DAZAP1: variants seen among roughly 807,000 people sequenced by gnomAD.
DAZAP1 encodes DAZ associated protein 1.
A neutral mutation model predicts 60.1 loss-of-function variants in DAZAP1; 6 were observed. The ratio of observed to expected loss-of-function variants is 0.10; its 90% CI spans 0.05 to 0.20. The LOEUF (loss-of-function observed/expected upper bound fraction) is 0.20. Among genes scored for constraint, DAZAP1 ranks in the 10% least tolerant of loss-of-function variants. DAZAP1 has a pLI of 1.00. For synonymous variants in DAZAP1, 235 were observed against 215.9 expected (o/e 1.09, Z -0.78); for missense variants, 366 against 560.4 (o/e 0.65, Z 3.50).
At chr19:1,424,882 C>CG (rs2083268027) in intron 6 of DAZAP1, among the ~76,000 whole-genome samples, 1 of 152,166 alleles carries the variant, frequency 6.6e-6, no homozygotes, top group Non-Finnish European at 1.5e-5. Context: ...GTGTGCTTTG[C>CG]GGTGTCACGC....
In DAZAP1 at chr19:1,426,886, C is replaced by G. The variant is rs1479435442; in HGVS notation, c.546+926C>G. 6.6e-6 allele frequency: 1 copy of G among 152,208 alleles called. No individual in the cohort carries two copies. The highest frequency in any genetic ancestry group is 1.9e-4 in the East Asian group (1 of 5,200). 9.4% of individuals were successfully genotyped at this position (152,208 alleles called of 1,614,324 possible). On this transcript the variant is annotated intron_variant, in intron 7 of 11. Transcript: ENST00000233078. The surrounding 1 kb of genome is among the most constrained non-coding windows in gnomAD (Gnocchi z 5.4). Reference sequence around the variant, plus strand: ...CCCGTTAACGGAAGAAGACGCTTAGCCCCTCTGACAGGGCCATGGTTGTTT... The same window carrying G: ...CCCGTTAACGGAAGAAGACGCTTAGGCCCTCTGACAGGGCCATGGTTGTTT...
Position 1,414,143 on chromosome 19 carries a change from G to A in DAZAP1, c.30-3357G>A, listed in dbSNP as rs542860335. ...CAGTACACCTCGAGCTCAGCCTCCCGAGTGGCTAGGATTACAGGTGCGCAC... is the reference window on the plus strand; with the variant it reads ...CAGTACACCTCGAGCTCAGCCTCCCAAGTGGCTAGGATTACAGGTGCGCAC... On this transcript the variant is annotated intron_variant, in intron 1 of 11. Coordinates refer to ENST00000233078, the MANE Select transcript of DAZAP1 (RefSeq NM_018959.4). Among the ~76,000 whole-genome samples the A allele has an allele frequency of 1.6e-4, 25 of 151,836 alleles. No individual in the cohort carries two copies. The East Asian group carries it at 2.4e-3, about 14-fold the overall frequency.
In DAZAP1 at chr19:1,422,146, T is replaced by G. The variant is rs2083175315; in HGVS notation, c.415-202T>G. 6.6e-6 allele frequency among the ~76,000 whole-genome samples: 1 copy of G among 152,200 alleles called. No homozygotes were observed. The highest frequency in any genetic ancestry group is 2.1e-4 in the South Asian group (1 of 4,834). On this transcript the variant is annotated intron_variant, in intron 5 of 11. Coordinates refer to ENST00000233078, the MANE Select transcript of DAZAP1 (RefSeq NM_018959.4). The surrounding 1 kb of genome is among the most constrained non-coding windows in gnomAD (Gnocchi z 4.5). ...TGCCCTGGAGCTGCTTCTCCCTGCCTGCGTCTGGCCCTGGGAGTGTTGGGG... is the reference window on the plus strand; with the variant it reads ...TGCCCTGGAGCTGCTTCTCCCTGCCGGCGTCTGGCCCTGGGAGTGTTGGGG...
intron 1 of DAZAP1, among the ~76,000 whole-genome samples, chr19:1,412,495 C>T (rs969377753): frequency 2.6e-5 from 4 of 152,210 alleles, no homozygotes; most frequent in African/African-American, 9.6e-5. Flanking sequence ...GCAGGCTCCT[C>T]CTGGCTTGGT....
At chr19:1,421,454 G>A (rs147065758) in intron 5 of DAZAP1, among the ~76,000 whole-genome samples, 196 bp downstream of exon 5, 74 of 152,400 alleles carry the variant, frequency 4.9e-4, no homozygotes, top group African/African-American at 1.7e-3. Context: ...TGGCCATTTC[G>A]TGTCCCAGTA....
rs1462850045 is a variant in DAZAP1, at chr19:1,425,040, T to A, written c.464-838T>A. ...CTTGTGTTTGGGAAATGCTAAATTT[T>A]TTTTGCCTTTAAAATTTTCTGTTTT... is the stretch of plus-strand genomic sequence containing the variant. On this transcript the variant is annotated intron_variant, in intron 6 of 11. Coordinates refer to ENST00000233078, the MANE Select transcript of DAZAP1 (RefSeq NM_018959.4). The surrounding 1 kb of genome is among the most constrained non-coding windows in gnomAD (Gnocchi z 5.4). Among the ~76,000 whole-genome samples, 1 of 152,210 alleles carries A rather than the reference T, an allele frequency of 6.6e-6. No individual in the cohort carries two copies. Among genetic ancestry groups the A allele is most frequent in the Non-Finnish European group, 1.5e-5 (1 of 68,040 alleles).
chr19:1,416,144 G>A lies in DAZAP1; in HGVS notation c.30-1356G>A, dbSNP rs1413958688. The A allele has an allele frequency of 6.6e-6, 1 of 152,248 alleles. No homozygotes were observed. Among genetic ancestry groups the A allele is most frequent in the African/African-American group, 2.4e-5 (1 of 41,456 alleles). The allele number at this position is 152,248 out of a possible 1,614,324, so 9.4% of individuals were successfully genotyped here. A position where few individuals can be genotyped will look rare whatever the true frequency, so the allele number is the denominator to read the frequency against. On this transcript the variant is annotated intron_variant, in intron 1 of 11. Coordinates refer to ENST00000233078, the MANE Select transcript of DAZAP1 (RefSeq NM_018959.4). The surrounding 1 kb of genome is among the most constrained non-coding windows in gnomAD (Gnocchi z 4.3). ...CAGCCACCTTGCAGGGGTCTTTCCT[G>A]GCGAGCTGGCAGGAGCAGGGAGGAG...
chr19:1,413,936 G>A (rs996223851), intron 1 of DAZAP1, among the ~76,000 whole-genome samples: 1 of 151,614 alleles, frequency 6.6e-6, no homozygotes, highest in East Asian at 1.9e-4. Context: ...ACTCACCATT[G>A]GCTGACATTT....
At chr19:1,417,370 C>T (rs1025982172) in intron 1 of DAZAP1, 130 bp from the exon 2 acceptor site, 21 of 980,776 alleles carry the variant, frequency 2.1e-5, no homozygotes, top group South Asian at 1.4e-4. Flanking sequence ...CTTTGTATGC[C>T]GTCACGTGCA....
rs1437775697 is a variant in DAZAP1 at position 1,422,267 on chromosome 19, C to T, written c.415-81C>T. The T allele has an allele frequency of 8.2e-6, 11 of 1,342,758 alleles. No individual in the cohort carries two copies. Among genetic ancestry groups the T allele is most frequent in the East Asian group, 2.3e-5 (1 of 43,246 alleles). 83.2% of individuals were successfully genotyped at this position (1,342,758 alleles called of 1,614,324 possible). A position where few individuals can be genotyped will look rare whatever the true frequency, so the allele number is the denominator to read the frequency against. On this transcript the variant is annotated intron_variant, in intron 5 of 11. Transcript: ENST00000233078. The surrounding 1 kb of genome is among the most constrained non-coding windows in gnomAD (Gnocchi z 4.5). ...CGCACCCTGTGCGAGAGTTTGGGTT[C>T]GTGGGAACAGGCTGTGCCCTCGGAA...
rs2083412729 is a variant in DAZAP1, at chr19:1,430,291, T to C, written c.800T>C (p.Val267Ala). ...PPPPPFTSYI[V>A]STPPGGFPPP... ...CCCCCACCGTTCACCTCCTACATCGTGTCCACCCCTCCTGGAGGCTTTCCC... is the reference window on the plus strand; with the variant it reads ...CCCCCACCGTTCACCTCCTACATCGCGTCCACCCCTCCTGGAGGCTTTCCC... Residue 267 changes from valine (V) to alanine (A), a missense_variant, in exon 10 of 12, where the codon GTG becomes GCG. By Grantham distance (64) the Val-to-Ala change is moderately conservative. Transcript: ENST00000233078. 3 of 1,247,822 alleles carry C rather than the reference T, an allele frequency of 2.4e-6. No homozygotes were observed. Among genetic ancestry groups the C allele is most frequent in the African/African-American group, 3.1e-5 (2 of 65,444 alleles). The allele number at this position is 1,247,822 out of a possible 1,614,324, so 77.3% of individuals were successfully genotyped here. A position where few individuals can be genotyped will look rare whatever the true frequency, so the allele number is the denominator to read the frequency against.
At position 1,418,046 on chromosome 19, in the gene DAZAP1, A is replaced by G. The variant is rs1213214510; in HGVS notation, c.71-158A>G. On this transcript the variant is annotated intron_variant, in intron 2 of 11. Coordinates refer to ENST00000233078, the MANE Select transcript of DAZAP1 (RefSeq NM_018959.4). The surrounding 1 kb of genome is among the most constrained non-coding windows in gnomAD (Gnocchi z 5.7). ...AGGACCTCAAGTGTGTGTTGGGCAG[A>G]ATTCCCCAGCGCTTCCCGTACACCC... Among the ~76,000 whole-genome samples, 1 of 152,130 alleles carries G rather than the reference A, an allele frequency of 6.6e-6. No individual in the cohort carries two copies. The highest frequency in any genetic ancestry group is 1.5e-5 in the Non-Finnish European group (1 of 68,016).
Position 1,432,565 on chromosome 19 carries a change from G to C in DAZAP1, c.923G>C (p.Gly308Ala). The C allele has an allele frequency of 6.2e-7, 1 of 1,613,630 alleles. No homozygotes were observed. The highest frequency in any genetic ancestry group is 8.5e-7 in the Non-Finnish European group (1 of 1,179,990). The change falls in exon 11 of 12, where the codon GGG (glycine) becomes GCG (alanine). Residue 308 changes from glycine to alanine, a missense_variant. Gly to Ala is a moderately conservative substitution (Grantham distance 60). Coordinates refer to ENST00000233078, the MANE Select transcript of DAZAP1 (RefSeq NM_018959.4). This position sits in a 1 kb window ranked among gnomAD's most constrained non-coding sequence, Gnocchi z 4.9. ...PPPPDQFAPPGVPPPPATPGA... is the reference protein window; with the variant it reads ...PPPPDQFAPPAVPPPPATPGA... ...CCGCCAGATCAGTTTGCCCCTCCGGGGGTTCCTCCTCCACCAGCCACTCCC... is the reference window on the plus strand; with the variant it reads ...CCGCCAGATCAGTTTGCCCCTCCGGCGGTTCCTCCTCCACCAGCCACTCCC...
chr19:1,412,819 C>T (rs1417000866), intron 1 of DAZAP1, among the ~76,000 whole-genome samples: 1 of 152,204 alleles, frequency 6.6e-6, no homozygotes, highest in East Asian at 1.9e-4. Flanking sequence ...AGCTGCAGGC[C>T]CTGGGTGCCA....
At position 1,434,466 on chromosome 19, in the gene DAZAP1, G is replaced by GA; in HGVS notation, c.1049-269dup. The GA allele has an allele frequency of 2.4e-6, 1 of 418,450 alleles. No individual in the cohort carries two copies. The highest frequency in any genetic ancestry group is 4.3e-6 in the Non-Finnish European group (1 of 232,228). The allele number at this position is 418,450 out of a possible 1,614,324, so 25.9% of individuals were successfully genotyped here. A position where few individuals can be genotyped will look rare whatever the true frequency, so the allele number is the denominator to read the frequency against. On this transcript the variant is annotated intron_variant, in intron 11 of 11. Coordinates refer to ENST00000233078, the MANE Select transcript of DAZAP1 (RefSeq NM_018959.4). This position sits in a 1 kb window ranked among gnomAD's most constrained non-coding sequence, Gnocchi z 8.0. Reference sequence around the variant, plus strand: ...CCCCCCCAACCACGTCTTCGGGATTGAACAGGGAAGCGGTGAGGTTACGTG... The same window carrying GA: ...CCCCCCCAACCACGTCTTCGGGATTGAAACAGGGAAGCGGTGAGGTTACGTG...
Position 1,434,024 on chromosome 19 carries a change from C to T in DAZAP1, c.1049-713C>T, listed in dbSNP as rs547892100. ...GAGAGAGCCCACGCCCACCTGTGCC[C>T]ACGTGCACCCGAATGGGAACCCAGA... is the stretch of plus-strand genomic sequence containing the variant. On this transcript the variant is annotated intron_variant, in intron 11 of 11. Transcript: ENST00000233078. The surrounding 1 kb of genome is among the most constrained non-coding windows in gnomAD (Gnocchi z 8.0). 7 of 594,340 alleles carry T rather than the reference C, an allele frequency of 1.2e-5. No individual in the cohort carries two copies. The East Asian group carries it at 1.4e-4, about 12-fold the overall frequency. 36.8% of individuals were successfully genotyped at this position (594,340 alleles called of 1,614,324 possible). A position where few individuals can be genotyped will look rare whatever the true frequency, so the allele number is the denominator to read the frequency against.
intron 6 of DAZAP1, among the ~76,000 whole-genome samples, chr19:1,424,468 C>T (rs2083256045): frequency 6.6e-6 from 1 of 151,406 alleles, no homozygotes; most frequent in Non-Finnish European, 1.5e-5. Context: ...ACCTTTGTCC[C>T]CTCACAGTCT....
At chr19:1,415,409 TTTG>T in intron 1 of DAZAP1, among the ~76,000 whole-genome samples, 1 of 150,402 alleles carries the variant, frequency 6.6e-6, no homozygotes, top group Non-Finnish European at 1.5e-5. Flanking sequence ...TTTTTTTTTT[TTTG>T]AGAACTGCTT....
chr19:1,430,720 TTG>T (rs945291899), intron 10 of DAZAP1, among the ~76,000 whole-genome samples: 3 of 150,634 alleles, frequency 2.0e-5, no homozygotes, highest in African/African-American at 7.5e-5. Context: ...CAAGCTCTAA[TTG>T]TTTTTTTTTT....
Sources: gnomAD v4.1 joint callset for allele counts (sites outside exome capture counted in the v4.1 genomes callset) on GRCh38, gnomAD v4.1.1 for gene constraint, Gnocchi (gnomAD v3.1) non-coding constraint, MANE v1.5 for transcripts, NCBI Gene and HGNC (gene_info 2026-07-23, HGNC 2026-07-21) for gene names.